Variants in FLT4 observed in about 807,000 individuals in gnomAD.
FLT4 encodes the protein vascular endothelial growth factor receptor 3.
FLT4 carries 30 observed loss-of-function variants against 163.2 expected under a neutral mutation model. The ratio of observed to expected loss-of-function variants is 0.18; its 90% CI spans 0.14 to 0.25. FLT4 has a LOEUF of 0.25. FLT4 is among the 10% of genes least tolerant of loss of function. FLT4 has a pLI of 1.00. For missense variants in FLT4, 1,510 were observed against 1,863.8 expected, an observed-to-expected ratio of 0.81 and a Z score of 3.50; for synonymous variants, 884 against 789.5, an observed-to-expected ratio of 1.12 and a Z score of -2.01.
At position 180,620,127 on chromosome 5, in the gene FLT4, G is replaced by A. The variant is rs1763010720; in HGVS notation, c.2542+46C>T. 5 of 1,583,728 alleles carry A rather than the reference G, an allele frequency of 3.2e-6. No homozygotes were observed. In the African/African-American group the frequency reaches 4.0e-5, roughly 13 times the overall value. ...TCAGGCACTCCGGCCTGCAGCAGGT[G>A]GGTCGGGCAGGAGGTGTGGGTTGGG... On this transcript the variant is annotated intron_variant, in intron 17 of 29. Transcript: ENST00000261937. This position sits in a 1 kb window ranked among gnomAD's most constrained non-coding sequence, Gnocchi z 4.4.
chr5:180,640,377 G>A (rs2127860807), intron 1 of FLT4, among the ~76,000 whole-genome samples: 1 of 152,340 alleles, frequency 6.6e-6, no homozygotes. Context: ...CCCTGCCCCA[G>A]GACCAGGCTC....
rs1199271374 is a variant in FLT4, at chr5:180,619,340, C to A, written c.2674G>T (p.Ala892Ser). The change falls in exon 19 of 30, where the codon GCG becomes TCG. Residue 892 changes from alanine (A) to serine (S), a missense_variant. Ala to Ser is a moderately conservative substitution (Grantham distance 99). Around this residue, in one of 5 missense-constraint regions of FLT4, gnomAD observed 878 missense variants for 1,016.7 expected, o/e 0.86. Coordinates refer to ENST00000261937, the MANE Select transcript of FLT4 (RefSeq NM_182925.5). ...KEGATASEHR[A>S]LMSELKILIH... ...AGGATCTTGAGCTCCGACATCAGCGCGCGGTGCTCGCTGGCCGTGGCGCCC... is the reference window on the plus strand; with the variant it reads ...AGGATCTTGAGCTCCGACATCAGCGAGCGGTGCTCGCTGGCCGTGGCGCCC... 2.5e-6 allele frequency: 4 copies of A among 1,610,940 alleles called. No individual in the cohort carries two copies. The highest frequency in any genetic ancestry group is 3.4e-6 in the Non-Finnish European group (4 of 1,179,382).
intron 27 of FLT4, 95 bp from the exon 28 acceptor site, chr5:180,610,120 A>G (rs902175250): frequency 4.4e-6 from 7 of 1,580,808 alleles, no homozygotes; most frequent in Non-Finnish European, 6.1e-6. Flanking sequence ...TCTCCTGGAA[A>G]GGACCCCCCG....
rs547117161 is a variant in FLT4, at chr5:180,626,306, C to T, written c.1104-41G>A. 1.3e-4 allele frequency: 216 copies of T among 1,605,156 alleles called. 2 individuals are homozygous for T. The highest frequency in any genetic ancestry group is 9.4e-4 in the East Asian group (42 of 44,872). Reference sequence around the variant, plus strand: ...AGGTCAGGGCCCATACAGATCCCACCACAGCCCCAACCTCATGCTGGCACC... The same window carrying T: ...AGGTCAGGGCCCATACAGATCCCACTACAGCCCCAACCTCATGCTGGCACC... On this transcript the variant is annotated intron_variant, in intron 8 of 29. Transcript: ENST00000261937.
chr5:180,622,052 GC>G, intron 12 of FLT4, 148 bp from the exon 13 acceptor site: 1 of 879,910 alleles, frequency 1.1e-6, no homozygotes, highest in Non-Finnish European at 1.7e-6. Flanking sequence ...CCCACCAAAA[GC>G]CCAGGTCATC....
At position 180,603,401 on chromosome 5, in the gene FLT4, A is replaced by G. The variant is rs1561684026; in HGVS notation, c.3894-11T>C. ...CCAGGTCCTTTACAGCTGCCAAGAC[A>G]GGGAAGGTGGTGTTAGTAAGAGAAG... On this transcript the variant is annotated splice_polypyrimidine_tract_variant and intron_variant, in intron 29 of 29. Transcript: ENST00000261937. 1.9e-6 allele frequency: 3 copies of G among 1,613,066 alleles called. No individual in the cohort carries two copies. The highest frequency in any genetic ancestry group is 2.2e-5 in the East Asian group (1 of 44,866).
chr5:180,607,990 TCCC>T, intron 29 of FLT4: 1 of 654,306 alleles, frequency 1.5e-6, no homozygotes, highest in South Asian at 1.7e-5. Context: ...AAAGGGCGTC[TCCC>T]TTTCCTTGGA....
At position 180,608,858 on chromosome 5, in the gene FLT4, G is replaced by A. The variant is rs1761957077; in HGVS notation, c.3893+110C>T. On this transcript the variant is annotated intron_variant, in intron 29 of 29. Coordinates refer to ENST00000261937, the MANE Select transcript of FLT4 (RefSeq NM_182925.5). ...TGAACGCGCGAAAAGGCCATAGGGA[G>A]CCACGAAAGGTTCCGGGAAGAGGGC... 1.2e-5 allele frequency: 11 copies of A among 946,374 alleles called. No individual in the cohort carries two copies. The South Asian group carries it at 1.4e-4, about 12-fold the overall frequency. The allele number at this position is 946,374 out of a possible 1,614,324, so 58.6% of individuals were successfully genotyped here. A position where few individuals can be genotyped will look rare whatever the true frequency, so the allele number is the denominator to read the frequency against.
rs1370601434 is a variant in FLT4 at position 180,603,147 on chromosome 5, G to A, written c.*45C>T. 6.3e-7 allele frequency: 1 copy of A among 1,597,540 alleles called. No individual in the cohort carries two copies. Reference sequence around the variant, plus strand: ...GGGCCTCCAGCCCTCTGCCCGCCCTGCCGGGCCTGAACCCCCAAGTGCTGG... The same window carrying A: ...GGGCCTCCAGCCCTCTGCCCGCCCTACCGGGCCTGAACCCCCAAGTGCTGG... On this transcript the variant is annotated 3_prime_UTR_variant, in exon 30 of 30. Coordinates refer to ENST00000261937, the MANE Select transcript of FLT4 (RefSeq NM_182925.5).
At position 180,602,550 on chromosome 5, in the gene FLT4, T is replaced by G. The variant is rs947142796; in HGVS notation, c.*642A>C. 6 of 399,922 alleles carry G rather than the reference T, an allele frequency of 1.5e-5. No individual in the cohort carries two copies. In the East Asian group the frequency reaches 2.1e-4, roughly 14 times the overall value. 24.8% of individuals were successfully genotyped at this position (399,922 alleles called of 1,614,324 possible). A position where few individuals can be genotyped will look rare whatever the true frequency, so the allele number is the denominator to read the frequency against. ...GGCTCTCAACACCCAGGCGCAGGTG[T>G]GCGGGCTGCCTCTGTGTTGCCAGCG... On this transcript the variant is annotated 3_prime_UTR_variant, in exon 30 of 30. Coordinates refer to ENST00000261937, the MANE Select transcript of FLT4 (RefSeq NM_182925.5).
intron 24 of FLT4, chr5:180,613,732 T>A (rs1297587483): frequency 4.8e-5 from 20 of 418,856 alleles, no homozygotes; most frequent in Non-Finnish European, 8.1e-5. Flanking sequence ...GGGGCCTGAG[T>A]TCCCACATGG....
chr5:180,634,320 T>G (rs1310416895), intron 1 of FLT4, among the ~76,000 whole-genome samples: 1 of 152,206 alleles, frequency 6.6e-6, no homozygotes, highest in African/African-American at 2.4e-5. Flanking sequence ...TGTGGTTTTA[T>G]GATCACATCT....
intron 23 of FLT4, among the ~76,000 whole-genome samples, 182 bp downstream of exon 23, chr5:180,616,185 G>C (rs1039737709): frequency 2.0e-5 from 3 of 152,104 alleles, no homozygotes; most frequent in African/African-American, 7.2e-5. Flanking sequence ...TGCCTAAGGT[G>C]GGGGGTGGTC....
intron 1 of FLT4, among the ~76,000 whole-genome samples, chr5:180,632,686 G>C (rs1047010798): frequency 6.6e-6 from 1 of 152,152 alleles, no homozygotes; most frequent in African/African-American, 2.4e-5. Context: ...GGGTGTGTGA[G>C]TCTGTGTGTG....
At position 180,609,923 on chromosome 5, in the gene FLT4, C is replaced by T. The variant is rs755743097; in HGVS notation, c.3789G>A (p.Thr1263=). ...GAAGTACCACAGAGCCTTTGTAGGT[C>T]GTTGGGGTCATGGGGAATTCCTCAA... ...KTFEEFPMTP[T]TYKGSVDNQT... Residue 1263 remains threonine (T), a synonymous_variant, in exon 28 of 30, where the codon ACG becomes ACA. Transcript: ENST00000261937. 16 of 1,613,990 alleles carry T rather than the reference C, an allele frequency of 9.9e-6. No homozygotes were observed. Among genetic ancestry groups the T allele is most frequent in the Middle Eastern group, 3.3e-4 (2 of 6,084 alleles).
intron 10 of FLT4, among the ~76,000 whole-genome samples, chr5:180,624,524 G>A (rs959597081): frequency 1.3e-5 from 2 of 152,070 alleles, no homozygotes; most frequent in Non-Finnish European, 2.9e-5. Context: ...CACCGAGCCC[G>A]GCCTGTTTCT....
rs765590776 is a variant in FLT4, at chr5:180,620,868, G to A, written c.2299+8C>T. Reference sequence around the variant, plus strand: ...AAGGGAGTTGAGGGGTGCAGCCTGAGGCCAGACCTTCCACGGCCACGCTGG... The same window carrying A: ...AAGGGAGTTGAGGGGTGCAGCCTGAAGCCAGACCTTCCACGGCCACGCTGG... On this transcript the variant is annotated splice_region_variant and intron_variant, in intron 15 of 29. Coordinates refer to ENST00000261937, the MANE Select transcript of FLT4 (RefSeq NM_182925.5). This position sits in a 1 kb window ranked among gnomAD's most constrained non-coding sequence, Gnocchi z 4.4. 3 of 1,609,680 alleles carry A rather than the reference G, an allele frequency of 1.9e-6. No individual in the cohort carries two copies. Among genetic ancestry groups the A allele is most frequent in the Non-Finnish European group, 2.5e-6 (3 of 1,178,788 alleles).
rs755455041 is a variant in FLT4 at position 180,630,606 on chromosome 5, T to C, written c.349A>G (p.Lys117Glu). The C allele has an allele frequency of 1.9e-6, 3 of 1,613,100 alleles. No homozygotes were observed. Among genetic ancestry groups the C allele is most frequent in the Admixed American group, 3.3e-5 (2 of 60,030 alleles). ...GSYVCYYKYI[K>E]ARIEGTTAAS... ...GCCGTGGTGCCCTCGATGCGTGCCT[T>C]GATGTACTTGTAGTAGCAGACGTAG... Residue 117 changes from lysine (K) to glutamate (E), a missense_variant, in exon 3 of 30, where the codon AAG becomes GAG. Around this residue, in one of 5 missense-constraint regions of FLT4, gnomAD observed 157 missense variants for 178.7 expected, o/e 0.88. Coordinates refer to ENST00000261937, the MANE Select transcript of FLT4 (RefSeq NM_182925.5). The surrounding 1 kb of genome is among the most constrained non-coding windows in gnomAD (Gnocchi z 6.3).
chr5:180,620,648 G>T lies in FLT4; in HGVS notation c.2367C>A (p.Phe789Leu). The T allele has an allele frequency of 6.2e-7, 1 of 1,613,430 alleles. No individual in the cohort carries two copies. Among genetic ancestry groups the T allele is most frequent in the Non-Finnish European group, 8.5e-7 (1 of 1,179,856 alleles). ...AGAAGATGAGGAGGAGGAGGACCCA[G>T]AAGAAGACAGCGATGACGCCGGTAC... Reference protein sequence around the residue: ...LVGTGVIAVFFWVLLLLIFCN... With the variant: ...LVGTGVIAVFLWVLLLLIFCN... The change falls in exon 16 of 30, where the codon TTC (phenylalanine) becomes TTA (leucine). Residue 789 changes from phenylalanine (F) to leucine (L), a missense_variant. This residue lies in a region of FLT4 where 878 missense variants were observed against 1,016.7 expected (regional missense o/e 0.86). Transcript: ENST00000261937. This position sits in a 1 kb window ranked among gnomAD's most constrained non-coding sequence, Gnocchi z 4.4.
Sources: allele counts gnomAD v4.1 joint callset (sites outside exome capture counted in the v4.1 genomes callset), GRCh38; gene constraint gnomAD v4.1.1; regional missense constraint gnomAD v4.1.1; non-coding constraint Gnocchi (gnomAD v3.1); transcripts MANE v1.5; gene names NCBI Gene and HGNC (gene_info 2026-07-23, HGNC 2026-07-21).